PDCD10: variants seen among roughly 807,000 people sequenced by gnomAD.
The protein encoded by PDCD10 is programmed cell death protein 10.
In PDCD10, 4 loss-of-function variants were observed where a neutral mutation model predicts 29.2. That is an observed-to-expected ratio of 0.14 (90% CI 0.07 to 0.31). The LOEUF (loss-of-function observed/expected upper bound fraction) is 0.31. Ranked by LOEUF, PDCD10 falls within the 10% of genes least tolerant of loss-of-function variation. The probability of loss-of-function intolerance (pLI) is 1.00; values close to 1 mark genes in which losing one functional copy is unlikely to be tolerated. For missense variants in PDCD10, 183 were observed against 257.9 expected, an observed-to-expected ratio of 0.71 and a Z score of 1.99; for synonymous variants, 70 against 82.2, an observed-to-expected ratio of 0.85 and a Z score of 0.80.
At position 167,690,692 on chromosome 3, in the gene PDCD10, T is replaced by C. The variant is rs1051360321; in HGVS notation, c.396-2999A>G. ...GGATCATTTTTCCTTATCAACTCCATTGAGAAAAGGGAGGAAAATCCTCAT... is the reference window on the plus strand; with the variant it reads ...GGATCATTTTTCCTTATCAACTCCACTGAGAAAAGGGAGGAAAATCCTCAT... On this transcript the variant is annotated intron_variant, in intron 6 of 8. Transcript: ENST00000392750. Among the ~76,000 whole-genome samples the C allele has an allele frequency of 2.7e-4, 41 of 152,182 alleles. 1 individual carries two copies. The highest frequency in any genetic ancestry group is 3.2e-3 in the Middle Eastern group (1 of 316).
intron 6 of PDCD10, among the ~76,000 whole-genome samples, chr3:167,692,665 TC>T (rs1402268410): frequency 1.9e-4 from 29 of 152,334 alleles, no homozygotes; most frequent in African/African-American, 6.7e-4. Flanking sequence ...ACACCTGTAA[TC>T]CCAGCACTTT....
intron 4 of PDCD10, chr3:167,697,773 G>T: frequency 6.3e-6 from 2 of 319,132 alleles, no homozygotes; most frequent in South Asian, 2.6e-5. Flanking sequence ...GTTTGCATTG[G>T]TTCTATGTTA....
In PDCD10 at chr3:167,684,109, T is replaced by G. The variant is rs183589284; in HGVS notation, c.*199A>C. On this transcript the variant is annotated 3_prime_UTR_variant, in exon 9 of 9. Coordinates refer to ENST00000392750, the MANE Select transcript of PDCD10 (RefSeq NM_007217.4). ...AAAAGAATGATAATAGCAAAAGTGA[T>G]GCAAAATCTTCAGTGTGAGATTATG... 446 of 492,280 alleles carry G rather than the reference T, an allele frequency of 9.1e-4. No homozygotes were observed. Among genetic ancestry groups the G allele is most frequent in the Non-Finnish European group, 1.4e-3 (368 of 271,148 alleles). The allele number at this position is 492,280 out of a possible 1,614,324, so 30.5% of individuals were successfully genotyped here.
At chr3:167,713,265 A>G (rs1189568425) in intron 3 of PDCD10, among the ~76,000 whole-genome samples, 1 of 152,080 alleles carries the variant, frequency 6.6e-6, no homozygotes, top group Non-Finnish European at 1.5e-5. Flanking sequence ...TAAAACTAGA[A>G]ACCAGTAACA....
At position 167,734,882 on chromosome 3, in the gene PDCD10, C is replaced by T. The variant is rs1298021937; in HGVS notation, c.-474G>A. The T allele has an allele frequency of 6.5e-6, 1 of 153,252 alleles. No individual in the cohort carries two copies. Among genetic ancestry groups the T allele is most frequent in the Non-Finnish European group, 1.5e-5 (1 of 68,528 alleles). The allele number at this position is 153,252 out of a possible 1,614,324, so 9.5% of individuals were successfully genotyped here. ...CCGGATCAATTCACTCCGGCGACGCCGGAAGGACCCAAGAGGAACCAGGCG... is the reference window on the plus strand; with the variant it reads ...CCGGATCAATTCACTCCGGCGACGCTGGAAGGACCCAAGAGGAACCAGGCG... On this transcript the variant is annotated 5_prime_UTR_variant, in exon 1 of 9. Transcript: ENST00000392750.
At chr3:167,729,399 A>G (rs1724556532) in intron 2 of PDCD10, among the ~76,000 whole-genome samples, 1 of 152,188 alleles carries the variant, frequency 6.6e-6, no homozygotes, top group Non-Finnish European at 1.5e-5. Flanking sequence ...TCTTAATGCT[A>G]ATTTCTCTCT....
intron 2 of PDCD10, among the ~76,000 whole-genome samples, chr3:167,720,593 A>T (rs1723468308): frequency 6.6e-6 from 1 of 152,090 alleles, no homozygotes; most frequent in African/African-American, 2.4e-5. Context: ...ATACAATCTA[A>T]GAGAACATAT....
intron 8 of PDCD10, among the ~76,000 whole-genome samples, chr3:167,685,749 T>C (rs1320427487): frequency 6.6e-6 from 1 of 152,212 alleles, no homozygotes; most frequent in Non-Finnish European, 1.5e-5. Flanking sequence ...TAAATTATTA[T>C]TTTAATGTGT....
chr3:167,721,739 A>C (rs1456781461), intron 2 of PDCD10, among the ~76,000 whole-genome samples: 1 of 152,132 alleles, frequency 6.6e-6, no homozygotes, highest in African/African-American at 2.4e-5. Context: ...CCTGAAACCT[A>C]CTCCATGACT....
At chr3:167,720,027 C>A (rs1423896207) in intron 3 of PDCD10, 35 bp downstream of exon 3, 1 of 1,204,452 alleles carries the variant, frequency 8.3e-7, no homozygotes, top group Admixed American at 1.7e-5. Flanking sequence ...TAAAGAATTG[C>A]AGAGTTCATG....
chr3:167,702,936 C>T (rs760265790), intron 4 of PDCD10, among the ~76,000 whole-genome samples: 5 of 152,108 alleles, frequency 3.3e-5, no homozygotes, highest in African/African-American at 9.7e-5. Flanking sequence ...AAACTTTATC[C>T]ATGGATCAAA....
chr3:167,684,789 G>A (rs1038526515), intron 8 of PDCD10, among the ~76,000 whole-genome samples: 1 of 152,038 alleles, frequency 6.6e-6, no homozygotes, highest in Non-Finnish European at 1.5e-5. Context: ...TAATACTCAA[G>A]AAAAATCTAA....
At chr3:167,701,423 T>G (rs1340728067) in intron 4 of PDCD10, among the ~76,000 whole-genome samples, 1 of 152,210 alleles carries the variant, frequency 6.6e-6, no homozygotes, top group East Asian at 1.9e-4. Flanking sequence ...GTCTTGAACT[T>G]CTGGCCTCTG....
intron 6 of PDCD10, among the ~76,000 whole-genome samples, chr3:167,691,921 TAAGTA>T (rs1004118101): frequency 1.3e-5 from 2 of 152,312 alleles, no homozygotes; most frequent in African/African-American, 4.8e-5. Flanking sequence ...GTTGTTGTGA[TAAGTA>T]AATAAATGTA....
chr3:167,728,052 T>C (rs890399548), intron 2 of PDCD10, among the ~76,000 whole-genome samples: 5 of 152,206 alleles, frequency 3.3e-5, no homozygotes, highest in African/African-American at 9.7e-5. Context: ...GCTAGGATAG[T>C]ATCTGTTTTT....
At chr3:167,711,132 G>A (rs904926092) in intron 3 of PDCD10, among the ~76,000 whole-genome samples, 4 of 152,116 alleles carry the variant, frequency 2.6e-5, no homozygotes, top group Non-Finnish European at 5.9e-5. Flanking sequence ...ACATCCAGAA[G>A]CATCAAGACC....
chr3:167,701,978 G>A (rs182839568), intron 4 of PDCD10, among the ~76,000 whole-genome samples: 1 of 152,294 alleles, frequency 6.6e-6, no homozygotes, highest in Non-Finnish European at 1.5e-5. Context: ...TGAGGAAGAA[G>A]ACAAAGGAGT....
In PDCD10 at chr3:167,695,390, ATTG is replaced by A. The variant is rs145108005; in HGVS notation, c.395+203_395+205del. Among the ~76,000 whole-genome samples, 3,525 of 152,206 alleles carry A rather than the reference ATTG, an allele frequency of 0.023. 137 individuals carry two copies. The highest frequency in any genetic ancestry group is 0.081 in the African/African-American group (3,352 of 41,496). On this transcript the variant is annotated intron_variant, in intron 6 of 8. Coordinates refer to ENST00000392750, the MANE Select transcript of PDCD10 (RefSeq NM_007217.4). ...CTACATTCCAGTTTATGCACATTTC[ATTG>A]TTGTTTTAAAATTAAACATTCTAAA...
chr3:167,727,984 C>G (rs951155158), intron 2 of PDCD10, among the ~76,000 whole-genome samples: 1 of 152,186 alleles, frequency 6.6e-6, no homozygotes, highest in Non-Finnish European at 1.5e-5. Context: ...TTTAACTTTA[C>G]CTTTAGCTCC....
Sources: allele counts gnomAD v4.1 joint callset (sites outside exome capture counted in the v4.1 genomes callset), GRCh38; gene constraint gnomAD v4.1.1; transcripts MANE v1.5; gene names NCBI Gene and HGNC (gene_info 2026-07-23, HGNC 2026-07-21).